CPSF4: variants seen among roughly 807,000 people sequenced by gnomAD.
CPSF4 encodes cleavage and polyadenylation specific factor 4, also known as cleavage and polyadenylation specificity factor subunit 4.
Under a neutral mutation model 37.7 loss-of-function variants are expected in CPSF4, and 11 were observed. The observed-to-expected ratio is 0.29, with a 90% confidence interval of 0.18 to 0.48. The LOEUF (loss-of-function observed/expected upper bound fraction) is 0.48, where lower values mean the gene tolerates loss of function less well. Ranked by LOEUF, CPSF4 falls within the 20% of genes least tolerant of loss-of-function variation. The pLI, the probability that CPSF4 is intolerant of heterozygous loss-of-function variation, is 0.99. For missense variants in CPSF4, 144 were observed against 359.5 expected (o/e 0.40, Z 4.85); for synonymous variants, 132 against 135.9 (o/e 0.97, Z 0.20).
In CPSF4 at chr7:99,450,921, G is replaced by A; in HGVS notation, c.497+126G>A. On this transcript the variant is annotated intron_variant, in intron 5 of 7. Coordinates refer to ENST00000292476, the MANE Select transcript of CPSF4 (RefSeq NM_006693.4). ...TGTCAGTACCAGGGCCAAGGGTGGG[G>A]GCAGGAGATGGGGAAGTAATCCCTG... is the stretch of plus-strand genomic sequence containing the variant. 7.5e-6 allele frequency: 5 copies of A among 668,240 alleles called. No homozygotes were observed. The South Asian group carries it at 8.7e-5, about 12-fold the overall frequency. 41.4% of individuals were successfully genotyped at this position (668,240 alleles called of 1,614,324 possible). A position where few individuals can be genotyped will look rare whatever the true frequency, so the allele number is the denominator to read the frequency against.
intron 7 of CPSF4, among the ~76,000 whole-genome samples, chr7:99,455,068 AAG>A (rs748715645): frequency 4.6e-5 from 7 of 152,118 alleles, no homozygotes; most frequent in Non-Finnish European, 7.3e-5. Context: ...AAAAAAATAA[AAG>A]AGCATGGAAG....
Position 99,444,771 on chromosome 7 carries a change from T to C in CPSF4, c.104-18T>C, listed in dbSNP as rs550113069. On this transcript the variant is annotated intron_variant, in intron 1 of 7. Transcript: ENST00000292476. ...ATTGCACCTCTTTGATTCCTCTCCT[T>C]TTCTCTCCTTTCTACAGAGTCGGGC... 3 of 1,612,096 alleles carry C rather than the reference T, an allele frequency of 1.9e-6. No individual in the cohort carries two copies. Among genetic ancestry groups the C allele is most frequent in the Non-Finnish European group, 2.5e-6 (3 of 1,178,626 alleles).
At chr7:99,443,210 C>T (rs1797178829) in intron 1 of CPSF4, 10 of 780,452 alleles carry the variant, frequency 1.3e-5, no homozygotes, top group Middle Eastern at 2.3e-4. Context: ...TCTGCATTCT[C>T]TCAGCCTGTG....
rs754248734 is a variant in CPSF4, at chr7:99,450,319, C to T, written c.351C>T (p.Pro117=). ...NKECPFLHID[P]ESKIKDCPWY... ...AATGTCCCTTCCTGCACATCGACCC[C>T]GAGTCCAAGATCAAGGACTGTCCTT... Residue 117 remains proline, a synonymous_variant, in exon 4 of 8, where the codon CCC becomes CCT. Coordinates refer to ENST00000292476, the MANE Select transcript of CPSF4 (RefSeq NM_006693.4). 9.9e-6 allele frequency: 16 copies of T among 1,613,944 alleles called. No homozygotes were observed. The highest frequency in any genetic ancestry group is 6.6e-5 in the South Asian group (6 of 91,072).
chr7:99,452,321 C>G, intron 5 of CPSF4, 47 bp from the exon 6 acceptor site: 1 of 1,505,374 alleles, frequency 6.6e-7, no homozygotes, highest in Non-Finnish European at 9.2e-7. Flanking sequence ...CATCCCCTGA[C>G]CCCACTCCTT....
In CPSF4 at chr7:99,453,975, A is replaced by T. The variant is rs371087605; in HGVS notation, c.580A>T (p.Asn194Tyr). The T allele has an allele frequency of 6.2e-6, 10 of 1,613,948 alleles. No individual in the cohort carries two copies. Among genetic ancestry groups the T allele is most frequent in the Non-Finnish European group, 8.5e-6 (10 of 1,179,986 alleles). The change falls in exon 7 of 8, where the codon AAT becomes TAT. Residue 194 changes from asparagine (N) to tyrosine (Y), a missense_variant. Transcript: ENST00000292476. The surrounding 1 kb of genome is among the most constrained non-coding windows in gnomAD (Gnocchi z 4.7). ...GTGTAACTCTTTCCAGCAAAGTAAC[A>T]ATCCGCCATTACAAAGGTCGTCCTC... ...QTQPPAKQSN[N>Y]PPLQRSSSLI...
intron 2 of CPSF4, chr7:99,447,796 A>C (rs1445041604): frequency 4.3e-6 from 2 of 462,786 alleles, no homozygotes; most frequent in African/African-American, 3.9e-5. Flanking sequence ...TCACCGTGAC[A>C]GCCAGGATGG....
intron 7 of CPSF4, among the ~76,000 whole-genome samples, chr7:99,455,107 C>A (rs1004103969): frequency 1.3e-5 from 2 of 152,174 alleles, no homozygotes; most frequent in East Asian, 1.9e-4. Flanking sequence ...GCAGACTTAG[C>A]TGTTATCTTG....
At chr7:99,442,655 CAA>C (rs751146641) in intron 1 of CPSF4, among the ~76,000 whole-genome samples, 1 of 52,500 alleles carries the variant, frequency 1.9e-5, no homozygotes, top group Non-Finnish European at 4.0e-5. Flanking sequence ...GACTCCGTCT[CAA>C]AAAAAAAAAA....
intron 2 of CPSF4, chr7:99,447,862 G>A (rs950954089): frequency 1.3e-5 from 7 of 535,366 alleles, no homozygotes; most frequent in South Asian, 3.1e-5. Context: ...CGCCCACCTC[G>A]GCCTTCCAAA....
chr7:99,454,847 C>T (rs1798194633), intron 7 of CPSF4, among the ~76,000 whole-genome samples: 1 of 152,254 alleles, frequency 6.6e-6, no homozygotes, highest in Non-Finnish European at 1.5e-5. Context: ...CAACCCAAGG[C>T]GCACACAATT....
In CPSF4 at chr7:99,452,448, G is replaced by T. The variant is rs774597125; in HGVS notation, c.570+8G>T. On this transcript the variant is annotated splice_region_variant and intron_variant, in intron 6 of 7. Coordinates refer to ENST00000292476, the MANE Select transcript of CPSF4 (RefSeq NM_006693.4). ...ACACAGCCTCCAGCAAAGGTACCGTGCCTGGCCTTCCTCGGTAGGAAGGAA... is the reference window on the plus strand; with the variant it reads ...ACACAGCCTCCAGCAAAGGTACCGTTCCTGGCCTTCCTCGGTAGGAAGGAA... 2 of 1,613,194 alleles carry T rather than the reference G, an allele frequency of 1.2e-6. No individual in the cohort carries two copies. The highest frequency in any genetic ancestry group is 3.3e-5 in the Admixed American group (2 of 60,022).
intron 7 of CPSF4, 101 bp downstream of exon 7, chr7:99,454,237 T>C: frequency 1.8e-6 from 2 of 1,139,842 alleles, no homozygotes; most frequent in Non-Finnish European, 2.5e-6. Flanking sequence ...AATGAAAACA[T>C]TCATTTTTGC....
intron 5 of CPSF4, among the ~76,000 whole-genome samples, chr7:99,451,506 G>A (rs1584509839): frequency 6.6e-6 from 1 of 152,252 alleles, no homozygotes; most frequent in East Asian, 1.9e-4. Context: ...TTGGGAGGCT[G>A]AGGCAAAAGA....
intron 1 of CPSF4, among the ~76,000 whole-genome samples, chr7:99,444,441 G>C (rs1446386719): frequency 6.6e-6 from 1 of 151,560 alleles, no homozygotes; most frequent in Non-Finnish European, 1.5e-5. Context: ...CAGGCAACTA[G>C]AGCGAAACCC....
At chr7:99,455,822 T>C (rs1397357993) in intron 7 of CPSF4, among the ~76,000 whole-genome samples, 2 of 152,214 alleles carry the variant, frequency 1.3e-5, no homozygotes, top group African/African-American at 4.8e-5. Context: ...GTCCCATCTC[T>C]CTGATCCTGT....
chr7:99,439,260 C>A, intron 1 of CPSF4, 75 bp downstream of exon 1: 1 of 1,151,446 alleles, frequency 8.7e-7, no homozygotes. Context: ...CCCGGGACTC[C>A]CTCGCCTCGG....
At chr7:99,440,674 A>ATATATATATATATATATATT in intron 1 of CPSF4, among the ~76,000 whole-genome samples, 7 of 88,088 alleles carry the variant, frequency 7.9e-5, no homozygotes, top group African/African-American at 1.9e-4. Flanking sequence ...ATATATATAT[A>ATATATATATATATATATATT]TTTTTTTTTT....
At position 99,448,833 on chromosome 7, in the gene CPSF4, C is replaced by G. The variant is rs1429273505; in HGVS notation, c.307+560C>G. 2 of 152,872 alleles carry G rather than the reference C, an allele frequency of 1.3e-5. No homozygotes were observed. The highest frequency in any genetic ancestry group is 2.9e-5 in the Non-Finnish European group (2 of 68,536). The allele number at this position is 152,872 out of a possible 1,614,324, so 9.5% of individuals were successfully genotyped here. A position where few individuals can be genotyped will look rare whatever the true frequency, so the allele number is the denominator to read the frequency against. ...CCAGGAGCCATGATCCTGGTGACAT[C>G]TCAGCCATCCTAAATAGCCCTTCAA... On this transcript the variant is annotated intron_variant, in intron 3 of 7. Coordinates refer to ENST00000292476, the MANE Select transcript of CPSF4 (RefSeq NM_006693.4). The surrounding 1 kb of genome is among the most constrained non-coding windows in gnomAD (Gnocchi z 4.4).
Sources: gnomAD v4.1 joint callset for allele counts (sites outside exome capture counted in the v4.1 genomes callset) on GRCh38, gnomAD v4.1.1 for gene constraint, Gnocchi (gnomAD v3.1) non-coding constraint, MANE v1.5 for transcripts, NCBI Gene and HGNC (gene_info 2026-07-23, HGNC 2026-07-21) for gene names.